KLHL5: variants seen among roughly 807,000 people sequenced by gnomAD.
The protein encoded by KLHL5 is kelch-like protein 5.
In KLHL5, 48 loss-of-function variants were observed where a neutral mutation model predicts 77.7. The observed-to-expected ratio is 0.62, with a 90% CI of 0.49 to 0.79. KLHL5 has a LOEUF of 0.79. Among genes scored for constraint, KLHL5 ranks in the 30% least tolerant of loss-of-function variants. KLHL5 has a pLI of 0.00. For missense variants in KLHL5, 723 were observed against 859.7 expected, an observed-to-expected ratio of 0.84 and a Z score of 1.99; for synonymous variants, 260 against 297.0, an observed-to-expected ratio of 0.88 and a Z score of 1.28.
Position 39,113,096 on chromosome 4 carries a change from T to C in KLHL5, c.1765T>C (p.Trp589Arg). 6.2e-7 allele frequency: 1 copy of C among 1,614,088 alleles called. No homozygotes were observed. Among genetic ancestry groups the C allele is most frequent in the South Asian group, 1.1e-5 (1 of 91,076 alleles). The change falls in exon 9 of 11, where the codon TGG (tryptophan) becomes CGG (arginine). Residue 589 changes from tryptophan (W) to arginine (R), a missense_variant. This residue lies in a region of KLHL5 where 214 missense variants were observed against 237.4 expected (regional missense o/e 0.90). Coordinates refer to ENST00000504108, the MANE Select transcript of KLHL5 (RefSeq NM_015990.5). ...ATGTTTTGATCCTCATACTAATAAG[T>C]GGACACTGTGTGCACAGATGTCAAA... ...VECFDPHTNK[W>R]TLCAQMSKRR...
In KLHL5 at chr4:39,094,006, T is replaced by G. The variant is rs73132948; in HGVS notation, c.1114-2686T>G. Among the ~76,000 whole-genome samples, 598 of 152,214 alleles carry G rather than the reference T, an allele frequency of 3.9e-3. 4 individuals are homozygous for G. The highest frequency in any genetic ancestry group is 0.014 in the African/African-American group (570 of 41,538). Reference sequence around the variant, plus strand: ...ACTATTATCCTAAATAATGAAACACTAAAACCATATCAATTCAAACCAGAA... The same window carrying G: ...ACTATTATCCTAAATAATGAAACACGAAAACCATATCAATTCAAACCAGAA... On this transcript the variant is annotated intron_variant, in intron 5 of 10. Transcript: ENST00000504108.
rs866009059 is a variant in KLHL5 at position 39,055,182 on chromosome 4, A to T, written c.-94-7377A>T. Among the ~76,000 whole-genome samples, 4 of 152,358 alleles carry T rather than the reference A, an allele frequency of 2.6e-5. No individual in the cohort carries two copies. The East Asian group carries it at 5.8e-4, about 22-fold the overall frequency. On this transcript the variant is annotated intron_variant, in intron 1 of 11. Transcript: ENST00000261425. ...CAACCAGCTACCTGGTCTTCAGACTACTAGGGGTCCTCAAGAATATAAGGA... is the reference window on the plus strand; with the variant it reads ...CAACCAGCTACCTGGTCTTCAGACTTCTAGGGGTCCTCAAGAATATAAGGA...
chr4:39,108,505 T>G (rs1263135132), intron 8 of KLHL5, among the ~76,000 whole-genome samples: 1 of 152,186 alleles, frequency 6.6e-6, no homozygotes, highest in South Asian at 2.1e-4. Context: ...AGTGAAATTT[T>G]TTATATTTTA....
chr4:39,093,386 G>A (rs1479723580), intron 5 of KLHL5: 1 of 455,814 alleles, frequency 2.2e-6, no homozygotes, highest in Non-Finnish European at 4.4e-6. Context: ...ATCTAATTGA[G>A]GTGATGAAAA....
At position 39,075,965 on chromosome 4, in the gene KLHL5, G is replaced by A. The variant is rs1476132383; in HGVS notation, c.384G>A (p.Arg128=). The change falls in exon 2 of 11, where the codon AGG becomes AGA. Residue 128 remains arginine, a splice_region_variant and synonymous_variant. Coordinates refer to ENST00000504108, the MANE Select transcript of KLHL5 (RefSeq NM_015990.5). ...AATGTGTGTTTTTTTTTCTTTTCAGGACTTCCAATAGTAGTCAGACATTAT... is the reference window on the plus strand; with the variant it reads ...AATGTGTGTTTTTTTTTCTTTTCAGAACTTCCAATAGTAGTCAGACATTAT... ...EENESDSSSC[R]TSNSSQTLSS... The A allele has an allele frequency of 6.3e-7, 1 of 1,594,976 alleles. No homozygotes were observed. The highest frequency in any genetic ancestry group is 8.5e-7 in the Non-Finnish European group (1 of 1,174,286).
intron 9 of KLHL5, among the ~76,000 whole-genome samples, chr4:39,113,559 G>T (rs1226528279): frequency 2.0e-5 from 3 of 152,190 alleles, no homozygotes; most frequent in Admixed American, 6.6e-5. Context: ...ACATTTCTAT[G>T]TGTTTTGATA....
intron 8 of KLHL5, among the ~76,000 whole-genome samples, chr4:39,109,366 G>T (rs1722282552): frequency 1.3e-5 from 2 of 152,188 alleles, no homozygotes; most frequent in South Asian, 4.1e-4. Flanking sequence ...CATGATCTCG[G>T]CACACTGCAG....
At chr4:39,104,070 G>A (rs1331991827) in intron 7 of KLHL5, among the ~76,000 whole-genome samples, 2 of 150,680 alleles carry the variant, frequency 1.3e-5, no homozygotes, top group Non-Finnish European at 2.9e-5. Flanking sequence ...AATACCACCA[G>A]AGTAGAGGCT....
intron 1 of KLHL5, among the ~76,000 whole-genome samples, chr4:39,072,270 T>C (rs1718547831): frequency 6.6e-6 from 1 of 151,906 alleles, no homozygotes; most frequent in Non-Finnish European, 1.5e-5. Context: ...TGTGTACTAA[T>C]CTGCACTAGG....
rs374515551 is a variant in KLHL5 at position 39,086,475 on chromosome 4, G to A, written c.901-40G>A. ...TCTTCTAAGTAAATTGTGAAGGTCA[G>A]AAGGAACAATATTGTTTATCTGCTA... On this transcript the variant is annotated intron_variant, in intron 4 of 10. Coordinates refer to ENST00000504108, the MANE Select transcript of KLHL5 (RefSeq NM_015990.5). The A allele has an allele frequency of 6.6e-6, 10 of 1,508,530 alleles. No homozygotes were observed. In the African/African-American group the frequency reaches 1.4e-4, roughly 21 times the overall value. The allele number at this position is 1,508,530 out of a possible 1,614,324, so 93.4% of individuals were successfully genotyped here. A position where few individuals can be genotyped will look rare whatever the true frequency, so the allele number is the denominator to read the frequency against.
chr4:39,054,221 T>C (rs527775662), intron 1 of KLHL5, among the ~76,000 whole-genome samples: 2 of 152,282 alleles, frequency 1.3e-5, no homozygotes, highest in South Asian at 4.1e-4. Context: ...CCTCACAAGG[T>C]ATTTTTGAGT....
intron 2 of KLHL5, among the ~76,000 whole-genome samples, chr4:39,080,575 T>C (rs1420637477): frequency 6.6e-6 from 1 of 151,586 alleles, no homozygotes; most frequent in Non-Finnish European, 1.5e-5. Flanking sequence ...ATTAAAAACT[T>C]AGAGACATAG....
At chr4:39,061,844 T>G (rs892622964), upstream of KLHL5, among the ~76,000 whole-genome samples, 2 of 152,338 alleles carry the variant, frequency 1.3e-5, no homozygotes, top group East Asian at 3.9e-4. Flanking sequence ...TTTTGATCCT[T>G]TGTAGTTTTC....
At chr4:39,057,066 A>G (rs888406072) in intron 1 of KLHL5, among the ~76,000 whole-genome samples, 16 of 152,196 alleles carry the variant, frequency 1.1e-4, no homozygotes, top group African/African-American at 3.6e-4. Context: ...CCTCACCTCA[A>G]AAACCTCAAC....
At chr4:39,076,200 A>G (rs982501584) in intron 2 of KLHL5, 53 bp downstream of exon 2, 4 of 1,501,924 alleles carry the variant, frequency 2.7e-6, no homozygotes, top group African/African-American at 2.8e-5. Context: ...GGTAATTTAG[A>G]TATGTATATT....
At chr4:39,048,578 C>T (rs954200380) in intron 1 of KLHL5, among the ~76,000 whole-genome samples, 2 of 148,180 alleles carry the variant, frequency 1.3e-5, no homozygotes, top group Non-Finnish European at 3.0e-5. Context: ...GAGGCTGTAT[C>T]TCAACACATG....
intron 1 of KLHL5, among the ~76,000 whole-genome samples, chr4:39,048,339 A>T (rs1217272377): frequency 6.6e-6 from 1 of 152,220 alleles, no homozygotes; most frequent in African/African-American, 2.4e-5. Flanking sequence ...ATAGTGCTAT[A>T]CAAAATGATA....
chr4:39,096,751 C>T lies in KLHL5; in HGVS notation c.1173C>T (p.Leu391=). 1.2e-6 allele frequency: 2 copies of T among 1,613,154 alleles called. No homozygotes were observed. The highest frequency in any genetic ancestry group is 1.1e-5 in the South Asian group (1 of 91,048). ...LFRDDIECQK[L]IMEAMKYHLL... ...GGGATGATATAGAATGTCAGAAACT[C>T]ATTATGGAAGCAATGAAGTACCATT... Residue 391 remains leucine, a synonymous_variant, in exon 6 of 11, where the codon CTC becomes CTT. Coordinates refer to ENST00000504108, the MANE Select transcript of KLHL5 (RefSeq NM_015990.5).
At chr4:39,054,661 C>G (rs1367083564) in intron 1 of KLHL5, among the ~76,000 whole-genome samples, 1 of 152,222 alleles carries the variant, frequency 6.6e-6, no homozygotes, top group African/African-American at 2.4e-5. Flanking sequence ...GACTCAGGCT[C>G]TTTCTGCTGT....
Sources: gnomAD v4.1 joint callset for allele counts (sites outside exome capture counted in the v4.1 genomes callset) on GRCh38, gnomAD v4.1.1 for gene constraint, gnomAD v4.1.1 regional missense constraint, MANE v1.5 for transcripts, NCBI Gene and HGNC (gene_info 2026-07-23, HGNC 2026-07-21) for gene names.